TMEM132D: variants seen among roughly 807,000 people sequenced by gnomAD.
TMEM132D encodes the protein transmembrane protein 132D, also known as mature OL transmembrane protein.
A neutral mutation model predicts 62.3 loss-of-function variants in TMEM132D; 21 were observed. The observed-to-expected ratio is 0.34, with a 90% CI of 0.24 to 0.49. The LOEUF (loss-of-function observed/expected upper bound fraction) is 0.49. Ranked by LOEUF, TMEM132D falls within the 20% of genes least tolerant of loss-of-function variation. The pLI is 0.99. For missense variants in TMEM132D, 1,346 were observed against 1,402.8 expected (o/e 0.96, Z 0.65); for synonymous variants, 621 against 575.6 (o/e 1.08, Z -1.13).
chr12:129,413,574 T>G (rs11060331), intron 3 of TMEM132D, among the ~76,000 whole-genome samples: 78,039 of 151,954 alleles, frequency 0.51, 20,471 homozygotes, highest in East Asian at 0.77. Flanking sequence ...AGAAATATAG[T>G]TGATATTGGA....
intron 4 of TMEM132D, among the ~76,000 whole-genome samples, chr12:129,281,038 C>T (rs1881130435): frequency 6.6e-6 from 1 of 151,972 alleles, no homozygotes. Context: ...GAATATGAAA[C>T]CCCCAGGAAA....
intron 3 of TMEM132D, among the ~76,000 whole-genome samples, chr12:129,387,305 AC>A (rs373641321): frequency 2.7e-4 from 41 of 150,126 alleles, no homozygotes; most frequent in African/African-American, 9.2e-4. Flanking sequence ...CAACACCAAT[AC>A]CAACACTAAC....
At chr12:129,177,713 G>C (rs533870099) in intron 5 of TMEM132D, among the ~76,000 whole-genome samples, 1 of 152,114 alleles carries the variant, frequency 6.6e-6, no homozygotes, top group Non-Finnish European at 1.5e-5. Flanking sequence ...AGCTATGATC[G>C]CACCACTGCA....
chr12:129,251,711 C>T (rs1880272428), intron 4 of TMEM132D, among the ~76,000 whole-genome samples: 1 of 152,190 alleles, frequency 6.6e-6, no homozygotes, highest in Non-Finnish European at 1.5e-5. Context: ...CATTTCCCAG[C>T]TTCCTTTGCT....
At position 129,476,511 on chromosome 12, in the gene TMEM132D, C is replaced by A. The variant is rs920854825; in HGVS notation, c.1115+54548G>T. 4.7e-4 allele frequency among the ~76,000 whole-genome samples: 72 copies of A among 152,262 alleles called. 1 individual carries two copies. The highest frequency in any genetic ancestry group is 1.3e-4 in the Non-Finnish European group (9 of 68,024). On this transcript the variant is annotated intron_variant, in intron 3 of 8. Coordinates refer to ENST00000422113, the MANE Select transcript of TMEM132D (RefSeq NM_133448.3). ...CACAGAATTGCTTGCGTGTGCCGAG[C>A]CTGGGGTCAGGTCACTCAGACACTG...
chr12:129,660,101 C>T (rs895730788), intron 2 of TMEM132D, among the ~76,000 whole-genome samples: 2 of 151,818 alleles, frequency 1.3e-5, no homozygotes, highest in African/African-American at 2.4e-5. Context: ...GAAAGCCCTG[C>T]GGAGTAACCG....
intron 5 of TMEM132D, among the ~76,000 whole-genome samples, chr12:129,108,282 T>C (rs959840309): frequency 3.3e-5 from 5 of 152,200 alleles, no homozygotes; most frequent in Admixed American, 6.5e-5. Context: ...GGCCACTGGC[T>C]TCTCCATGTT....
At chr12:129,866,320 ACT>A (rs1245767691) in intron 1 of TMEM132D, among the ~76,000 whole-genome samples, 7 of 151,900 alleles carry the variant, frequency 4.6e-5, no homozygotes, top group Non-Finnish European at 8.8e-5. Flanking sequence ...GGAAACCATC[ACT>A]CTCAGCAAAC....
At chr12:129,709,000 G>T (rs1432773259) in intron 1 of TMEM132D, among the ~76,000 whole-genome samples, 1 of 152,218 alleles carries the variant, frequency 6.6e-6, no homozygotes, top group Non-Finnish European at 1.5e-5. Flanking sequence ...ACTCAGATGA[G>T]ACCATGGACA....
At chr12:129,099,498 A>AG (rs1414721276) in intron 5 of TMEM132D, among the ~76,000 whole-genome samples, 2 of 152,198 alleles carry the variant, frequency 1.3e-5, no homozygotes, top group East Asian at 3.9e-4. Flanking sequence ...AGCCCTTCAG[A>AG]TGCCCCCTCA....
At chr12:129,195,188 C>G (rs7299732) in intron 5 of TMEM132D, among the ~76,000 whole-genome samples, 74,599 of 151,902 alleles carry the variant, frequency 0.49, 18,483 homozygotes, top group Middle Eastern at 0.55. Context: ...GACCTGAAGA[C>G]AGTGAGGGGG....
chr12:129,552,054 C>T (rs921979749), intron 2 of TMEM132D, among the ~76,000 whole-genome samples: 5 of 152,098 alleles, frequency 3.3e-5, no homozygotes, highest in Admixed American at 2.6e-4. Flanking sequence ...CCTACAAAAT[C>T]AGGAAAAAGT....
At chr12:129,633,326 T>C (rs2137168672) in intron 2 of TMEM132D, among the ~76,000 whole-genome samples, 1 of 152,348 alleles carries the variant, frequency 6.6e-6, no homozygotes, top group South Asian at 2.1e-4. Flanking sequence ...AAGGAGCTTT[T>C]ACCTATTTAA....
chr12:129,205,432 T>G (rs1878817786), intron 5 of TMEM132D, among the ~76,000 whole-genome samples: 1 of 149,704 alleles, frequency 6.7e-6, no homozygotes. Flanking sequence ...AGAAGGGCAT[T>G]ATATAGTACA....
At chr12:129,645,279 T>A (rs1879744738) in intron 2 of TMEM132D, among the ~76,000 whole-genome samples, 1 of 152,148 alleles carries the variant, frequency 6.6e-6, no homozygotes, top group Non-Finnish European at 1.5e-5. Context: ...GGCCTTTTCC[T>A]TTCTCTCTCT....
chr12:129,805,385 C>T (rs1220515104), intron 1 of TMEM132D, among the ~76,000 whole-genome samples: 12 of 152,012 alleles, frequency 7.9e-5, no homozygotes, highest in African/African-American at 2.4e-4. Flanking sequence ...AGAAATAACG[C>T]CGCATATCTA....
At chr12:129,434,375 T>A (rs1341828661) in intron 3 of TMEM132D, among the ~76,000 whole-genome samples, 1 of 152,232 alleles carries the variant, frequency 6.6e-6, no homozygotes, top group Non-Finnish European at 1.5e-5. Flanking sequence ...CGAATGAATA[T>A]GGACGAGTTA....
chr12:129,739,591 C>T (rs978212050), intron 1 of TMEM132D, among the ~76,000 whole-genome samples: 1 of 152,124 alleles, frequency 6.6e-6, no homozygotes, highest in Admixed American at 6.5e-5. Context: ...TCCTTTATGG[C>T]AAGGTATAGT....
intron 3 of TMEM132D, among the ~76,000 whole-genome samples, chr12:129,343,761 CA>C (rs142738395): frequency 0.21 from 27,393 of 133,150 alleles, 2,650 homozygotes; most frequent in African/African-American, 0.24. Flanking sequence ...ACAAAAAAAA[CA>C]AAAAAAAACA....
Sources: gnomAD v4.1 joint callset for allele counts (sites outside exome capture counted in the v4.1 genomes callset) on GRCh38, gnomAD v4.1.1 for gene constraint, MANE v1.5 for transcripts, NCBI Gene and HGNC (gene_info 2026-07-23, HGNC 2026-07-21) for gene names.